Variants in PIAS1 observed in about 807,000 individuals in gnomAD.
PIAS1 encodes protein inhibitor of activated STAT 1.
A neutral mutation model predicts 71.3 loss-of-function variants in PIAS1; 6 were observed. The ratio of observed to expected loss-of-function variants is 0.08; its 90% confidence interval spans 0.05 to 0.17. The LOEUF is 0.17. Among genes scored for constraint, PIAS1 ranks in the 10% least tolerant of loss-of-function variants. PIAS1 has a pLI of 1.00. For missense variants in PIAS1, 555 were observed against 793.6 expected, an observed-to-expected ratio of 0.70 and a Z score of 3.61; for synonymous variants, 303 against 292.9, an observed-to-expected ratio of 1.03 and a Z score of -0.35.
intron 11 of PIAS1, among the ~76,000 whole-genome samples, chr15:68,179,564 C>CTTTTTTTT (rs766344324): frequency 0.016 from 623 of 40,070 alleles, 202 homozygotes; most frequent in African/African-American, 0.02. Flanking sequence ...GTGAAATGTT[C>CTTTTTTTT]TTTTTTTTTT....
chr15:68,134,436 G>A lies in PIAS1; in HGVS notation c.470-7510G>A, dbSNP rs1336417287. Among the ~76,000 whole-genome samples, 12 of 56,892 alleles carry A rather than the reference G, an allele frequency of 2.1e-4. 3 individuals are homozygous for A. Among genetic ancestry groups the A allele is most frequent in the African/African-American group, 3.4e-4 (9 of 26,720 alleles). The allele number at this position is 56,892 out of a possible 152,430, so 37.3% of individuals were successfully genotyped here. On this transcript the variant is annotated intron_variant, in intron 2 of 13. Coordinates refer to ENST00000249636, the MANE Select transcript of PIAS1 (RefSeq NM_016166.3). ...GGGCTCCTCACCACCCAGTAGGAGC[G>A]GCTGGGCAGAGGCGCCCCTCACCTC...
chr15:68,124,257 A>T (rs900084233), intron 2 of PIAS1, among the ~76,000 whole-genome samples: 8 of 152,208 alleles, frequency 5.3e-5, no homozygotes, highest in Non-Finnish European at 1.2e-4. Flanking sequence ...CTATGTAAAG[A>T]AGTAAAACAT....
At chr15:68,073,539 T>C (rs1359181214) in intron 1 of PIAS1, among the ~76,000 whole-genome samples, 1 of 152,102 alleles carries the variant, frequency 6.6e-6, no homozygotes, top group Non-Finnish European at 1.5e-5. Flanking sequence ...AAAGCGTAAA[T>C]TTTTTTAATG....
chr15:68,055,883 A>G, intron 1 of PIAS1: 1 of 700,492 alleles, frequency 1.4e-6, no homozygotes, highest in Non-Finnish European at 2.6e-6. Flanking sequence ...ATAACTTCAC[A>G]ATGTTTACAC....
intron 6 of PIAS1, among the ~76,000 whole-genome samples, chr15:68,149,638 T>C (rs1160045090): frequency 1.3e-5 from 2 of 152,138 alleles, no homozygotes. Context: ...GAGATCTTTT[T>C]TTCTGTTATA....
chr15:68,056,373 G>A lies in PIAS1; in HGVS notation c.24+2023G>A, dbSNP rs1196631427. Among the ~76,000 whole-genome samples the A allele has an allele frequency of 2.0e-5, 3 of 152,198 alleles. No homozygotes were observed. In the East Asian group the frequency reaches 5.8e-4, roughly 29 times the overall value. On this transcript the variant is annotated intron_variant, in intron 1 of 13. Transcript: ENST00000249636. ...CCTTTGGGGATAGATCAGATCCCTG[G>A]TGTGAGTCTTGTTAGGTAAAGTTTC...
chr15:68,103,286 T>G (rs115244831), intron 2 of PIAS1, among the ~76,000 whole-genome samples: 226 of 151,904 alleles, frequency 1.5e-3, no homozygotes, highest in African/African-American at 5.3e-3. Context: ...TTTTTTTCTG[T>G]GTTTAGGCTT....
At chr15:68,063,026 GT>G (rs1352317091) in intron 1 of PIAS1, among the ~76,000 whole-genome samples, 3 of 118,788 alleles carry the variant, frequency 2.5e-5, no homozygotes, top group African/African-American at 5.8e-5. Flanking sequence ...TACACTACTG[GT>G]TTTTTTAAAA....
chr15:68,181,580 C>A, intron 12 of PIAS1: 1 of 441,094 alleles, frequency 2.3e-6, no homozygotes, highest in Non-Finnish European at 4.1e-6. Context: ...AAAACTAGTG[C>A]AATAATCTTT....
intron 4 of PIAS1, among the ~76,000 whole-genome samples, chr15:68,143,443 A>G (rs1022000507): frequency 1.3e-5 from 2 of 152,130 alleles, no homozygotes; most frequent in African/African-American, 4.8e-5. Context: ...TGAAGATTCT[A>G]AAGAGGATAT....
At chr15:68,140,782 C>G (rs1260398106) in intron 2 of PIAS1, among the ~76,000 whole-genome samples, 1 of 152,150 alleles carries the variant, frequency 6.6e-6, no homozygotes, top group Non-Finnish European at 1.5e-5. Flanking sequence ...CAGCCAACTT[C>G]AGCTGCTTAT....
At chr15:68,070,678 A>G (rs1307106037) in intron 1 of PIAS1, among the ~76,000 whole-genome samples, 1 of 151,324 alleles carries the variant, frequency 6.6e-6, no homozygotes, top group African/African-American at 2.4e-5. Flanking sequence ...ATAGTATGAA[A>G]AAAAGAATGG....
At chr15:68,055,193 T>A in intron 1 of PIAS1, 1 of 985,448 alleles carries the variant, frequency 1.0e-6, no homozygotes. Flanking sequence ...TTTGGGGGTC[T>A]CTGCACACAC....
intron 2 of PIAS1, among the ~76,000 whole-genome samples, chr15:68,115,167 A>G (rs1267496166): frequency 6.6e-6 from 1 of 152,120 alleles, no homozygotes; most frequent in Non-Finnish European, 1.5e-5. Context: ...AGGTTTTGGC[A>G]GTATAAATAA....
At chr15:68,125,781 G>A (rs1344852712) in intron 2 of PIAS1, among the ~76,000 whole-genome samples, 1 of 151,842 alleles carries the variant, frequency 6.6e-6, no homozygotes, top group Non-Finnish European at 1.5e-5. Context: ...GCTCACTGCA[G>A]CCTCAAACTC....
chr15:68,179,818 T>G (rs1247887320), intron 11 of PIAS1, among the ~76,000 whole-genome samples: 1 of 151,938 alleles, frequency 6.6e-6, no homozygotes, highest in Non-Finnish European at 1.5e-5. Context: ...CCTCAGGTGA[T>G]CCATGCGCCT....
At chr15:68,152,270 G>T (rs1005410300) in intron 6 of PIAS1, among the ~76,000 whole-genome samples, 3 of 152,020 alleles carry the variant, frequency 2.0e-5, no homozygotes, top group Non-Finnish European at 4.4e-5. Flanking sequence ...AATGTTACTT[G>T]TTCCTCATTA....
intron 2 of PIAS1, among the ~76,000 whole-genome samples, chr15:68,135,684 C>T (rs1243819730): frequency 3.9e-4 from 27 of 68,850 alleles, no homozygotes; most frequent in Non-Finnish European, 6.5e-4. Context: ...CCCCACCTCC[C>T]TCCCGGACGG....
intron 1 of PIAS1, among the ~76,000 whole-genome samples, chr15:68,082,631 G>A (rs762817896): frequency 6.6e-6 from 1 of 152,092 alleles, no homozygotes; most frequent in Admixed American, 6.6e-5. Context: ...AATAATGTAA[G>A]TACTGACAAT....
Sources: allele counts gnomAD v4.1 joint callset (sites outside exome capture counted in the v4.1 genomes callset), GRCh38; gene constraint gnomAD v4.1.1; transcripts MANE v1.5; gene names NCBI Gene and HGNC (gene_info 2026-07-23, HGNC 2026-07-21).